SLIT3: variants seen among roughly 807,000 people sequenced by gnomAD.
SLIT3 encodes the protein slit homolog 3 protein.
In SLIT3, 68 loss-of-function variants were observed where a neutral mutation model predicts 184.0. That is an observed-to-expected ratio of 0.37 (90% CI 0.30 to 0.45). SLIT3 has a LOEUF of 0.45. Among genes scored for constraint, SLIT3 ranks in the 20% least tolerant of loss-of-function variants. The probability of loss-of-function intolerance (pLI) is 1.00; values close to 1 mark genes in which losing one functional copy is unlikely to be tolerated. For synonymous variants in SLIT3, 831 were observed against 828.6 expected (o/e 1.00, Z -0.05); for missense variants, 1,707 against 2,026.0 (o/e 0.84, Z 3.02).
At chr5:169,147,442 C>G (rs112140914) in intron 4 of SLIT3, among the ~76,000 whole-genome samples, 4,482 of 152,066 alleles carry the variant, frequency 0.029, 228 homozygotes, top group African/African-American at 0.1. Context: ...CTAATTTTTA[C>G]TACAGACAGG....
At chr5:168,698,555 GAT>G (rs1762125016) in intron 27 of SLIT3, among the ~76,000 whole-genome samples, 1 of 152,160 alleles carries the variant, frequency 6.6e-6, no homozygotes, top group Non-Finnish European at 1.5e-5. Flanking sequence ...CTGACACCTT[GAT>G]TTGGAACTTC....
chr5:169,063,284 T>A (rs570802493), intron 4 of SLIT3, among the ~76,000 whole-genome samples: 12 of 152,330 alleles, frequency 7.9e-5, no homozygotes, highest in African/African-American at 2.9e-4. Context: ...TTGCTTTGAT[T>A]GCTTCTTACA....
intron 4 of SLIT3, among the ~76,000 whole-genome samples, chr5:169,055,007 T>C (rs1757945345): frequency 6.6e-6 from 1 of 152,212 alleles, no homozygotes; most frequent in Admixed American, 6.5e-5. Context: ...GCCTAGCATA[T>C]GGGCTGGAAA....
intron 20 of SLIT3, among the ~76,000 whole-genome samples, chr5:168,733,876 C>G (rs578159165): frequency 1.8e-4 from 28 of 152,010 alleles, no homozygotes; most frequent in African/African-American, 6.0e-4. Flanking sequence ...GAAATCCTGT[C>G]TTTTGCAGCA....
At chr5:168,833,219 T>C (rs555796992) in intron 6 of SLIT3, among the ~76,000 whole-genome samples, 3 of 152,364 alleles carry the variant, frequency 2.0e-5, no homozygotes, top group Admixed American at 6.5e-5. Context: ...GGCCACTTTT[T>C]GTGGACAGTC....
At chr5:168,893,362 C>A (rs1760540312) in intron 4 of SLIT3, among the ~76,000 whole-genome samples, 1 of 152,178 alleles carries the variant, frequency 6.6e-6, no homozygotes, top group Admixed American at 6.5e-5. Context: ...TACTGGTCCC[C>A]ACCCCCTCTG....
chr5:168,759,038 A>T (rs1001687710), intron 16 of SLIT3, among the ~76,000 whole-genome samples: 7 of 152,184 alleles, frequency 4.6e-5, no homozygotes, highest in Non-Finnish European at 8.8e-5. Flanking sequence ...AACACAAGTG[A>T]ATTTCGTGTT....
Position 168,942,389 on chromosome 5 carries a change from T to G in SLIT3, c.414-59053A>C, listed in dbSNP as rs1009920994. 3.3e-5 allele frequency among the ~76,000 whole-genome samples: 5 copies of G among 152,262 alleles called. No homozygotes were observed. The East Asian group carries it at 9.6e-4, about 29-fold the overall frequency. On this transcript the variant is annotated intron_variant, in intron 4 of 35. Coordinates refer to ENST00000519560, the MANE Select transcript of SLIT3 (RefSeq NM_003062.4). ...AAGCCATTTTGAATTAGCATTCTATTATTTGCAAATGAGAATCTCGACTAT... is the reference window on the plus strand; with the variant it reads ...AAGCCATTTTGAATTAGCATTCTATGATTTGCAAATGAGAATCTCGACTAT...
chr5:168,753,151 C>A, intron 17 of SLIT3, 53 bp from the exon 18 acceptor site: 1 of 1,592,858 alleles, frequency 6.3e-7, no homozygotes, highest in South Asian at 1.1e-5. Flanking sequence ...TTTTCTGTCC[C>A]AAATGGTGCC....
chr5:168,720,061 A>G (rs1040925825), intron 23 of SLIT3: 4 of 152,026 alleles, frequency 2.6e-5, no homozygotes, highest in African/African-American at 7.3e-5. Context: ...CTACAGGCGC[A>G]TGTTACCATG....
intron 4 of SLIT3, among the ~76,000 whole-genome samples, chr5:168,947,951 C>T (rs1204186473): frequency 4.7e-5 from 7 of 148,794 alleles, no homozygotes; most frequent in African/African-American, 7.4e-5. Context: ...CCACCACACC[C>T]GGCTAATTTT....
intron 4 of SLIT3, among the ~76,000 whole-genome samples, chr5:168,897,402 G>A (rs1334532670): frequency 6.6e-6 from 1 of 151,996 alleles, no homozygotes; most frequent in East Asian, 1.9e-4. Context: ...TTTAAAGATA[G>A]ACAGATATAA....
At chr5:169,176,782 T>A (rs531137994) in intron 4 of SLIT3, among the ~76,000 whole-genome samples, 1 of 152,332 alleles carries the variant, frequency 6.6e-6, no homozygotes, top group South Asian at 2.1e-4. Context: ...CAGGTGGCAG[T>A]GGGCTGGACT....
intron 26 of SLIT3, 82 bp from the exon 27 acceptor site, chr5:168,700,761 C>A: frequency 9.8e-7 from 1 of 1,021,380 alleles, no homozygotes; most frequent in Non-Finnish European, 1.5e-6. Flanking sequence ...GGGGTTCCAG[C>A]ATTCTCTGTG....
chr5:168,747,554 G>A (rs1053524988), intron 20 of SLIT3, among the ~76,000 whole-genome samples: 2 of 152,162 alleles, frequency 1.3e-5, no homozygotes, highest in Non-Finnish European at 2.9e-5. Context: ...CAGTGCTCTT[G>A]GTGCATTCCA....
intron 4 of SLIT3, among the ~76,000 whole-genome samples, chr5:169,127,659 G>C (rs961419504): frequency 6.6e-6 from 1 of 152,160 alleles, no homozygotes; most frequent in African/African-American, 2.4e-5. Flanking sequence ...CTCTGGTTTC[G>C]CTTGGTCTCT....
intron 4 of SLIT3, among the ~76,000 whole-genome samples, chr5:169,115,654 T>G (rs1323095937): frequency 6.6e-6 from 1 of 152,196 alleles, no homozygotes; most frequent in Non-Finnish European, 1.5e-5. Flanking sequence ...TTAATGATGA[T>G]GATAATGATA....
chr5:169,245,724 G>A (rs1765565612), intron 2 of SLIT3, among the ~76,000 whole-genome samples: 1 of 152,176 alleles, frequency 6.6e-6, no homozygotes, highest in South Asian at 2.1e-4. Context: ...AATGGCAGAT[G>A]GAGAGGAAGA....
chr5:168,930,889 C>A (rs1761968066), intron 4 of SLIT3, among the ~76,000 whole-genome samples: 1 of 152,026 alleles, frequency 6.6e-6, no homozygotes, highest in Non-Finnish European at 1.5e-5. Flanking sequence ...GCCTCCTAGA[C>A]AATAACCTGT....
Sources: allele counts gnomAD v4.1 joint callset (sites outside exome capture counted in the v4.1 genomes callset), GRCh38; gene constraint gnomAD v4.1.1; transcripts MANE v1.5; gene names NCBI Gene and HGNC (gene_info 2026-07-23, HGNC 2026-07-21).